Variants in CENPP observed in about 807,000 individuals in gnomAD.
CENPP encodes the protein centromere protein P.
In CENPP, 24 loss-of-function variants were observed where a neutral mutation model predicts 35.6. The observed-to-expected ratio is 0.67, with a 90% CI of 0.49 to 0.95. The LOEUF is 0.95. CENPP is among the 40% of genes least tolerant of loss of function. The pLI, the probability that CENPP is intolerant of heterozygous loss-of-function variation, is 0.00. For synonymous variants in CENPP, 120 were observed against 125.5 expected (o/e 0.96, Z 0.29); for missense variants, 332 against 345.3 (o/e 0.96, Z 0.31).
At chr9:92,511,051 A>G (rs1394352014) in intron 5 of CENPP, among the ~76,000 whole-genome samples, 1 of 152,172 alleles carries the variant, frequency 6.6e-6, no homozygotes, top group Non-Finnish European at 1.5e-5. Flanking sequence ...TCAAACATAC[A>G]CATTTATGAG....
intron 5 of CENPP, chr9:92,416,843 G>C: frequency 6.2e-7 from 1 of 1,613,734 alleles, no homozygotes; most frequent in Non-Finnish European, 8.5e-7. Context: ...ATTTTCTAAA[G>C]ACAGATACAT....
intron 5 of CENPP, among the ~76,000 whole-genome samples, chr9:92,507,411 G>A (rs1847071572): frequency 6.6e-6 from 1 of 152,300 alleles, no homozygotes; most frequent in South Asian, 2.1e-4. Context: ...ACATGACTGA[G>A]AGAAAAAGAG....
intron 5 of CENPP, among the ~76,000 whole-genome samples, chr9:92,524,439 C>A (rs1047159083): frequency 1.3e-5 from 2 of 152,164 alleles, no homozygotes; most frequent in Admixed American, 1.3e-4. Context: ...ACAAGAGAAA[C>A]CTCCATCAAG....
chr9:92,426,573 G>A (rs1843972722), intron 5 of CENPP, among the ~76,000 whole-genome samples: 1 of 152,144 alleles, frequency 6.6e-6, no homozygotes, highest in African/African-American at 2.4e-5. Context: ...AATAATGCAA[G>A]GTAAAGGGAT....
intron 5 of CENPP, among the ~76,000 whole-genome samples, chr9:92,591,901 T>G (rs965874636): frequency 7.2e-5 from 11 of 152,202 alleles, no homozygotes; most frequent in Non-Finnish European, 1.5e-4. Flanking sequence ...TCCACCAAAT[T>G]TTATGCTTCA....
chr9:92,603,031 C>T (rs760515653), intron 5 of CENPP, among the ~76,000 whole-genome samples: 3 of 152,242 alleles, frequency 2.0e-5, no homozygotes, highest in East Asian at 1.9e-4. Context: ...CCTCGTGATC[C>T]GCTCGCCTTG....
At chr9:92,364,905 A>G (rs1841848991) in intron 4 of CENPP, among the ~76,000 whole-genome samples, 1 of 152,210 alleles carries the variant, frequency 6.6e-6, no homozygotes, top group African/African-American at 2.4e-5. Flanking sequence ...TGCCTTGTAC[A>G]TGGTTGGTGT....
chr9:92,334,885 A>C (rs745413042), intron 2 of CENPP, among the ~76,000 whole-genome samples: 17 of 151,100 alleles, frequency 1.1e-4, no homozygotes, highest in Non-Finnish European at 1.8e-4. Context: ...CTCAAAAAAA[A>C]CCAAAAAAAC....
chr9:92,492,908 G>A (rs985117769), intron 5 of CENPP, among the ~76,000 whole-genome samples: 8 of 152,198 alleles, frequency 5.3e-5, no homozygotes, highest in Non-Finnish European at 8.8e-5. Flanking sequence ...CACTGTGCTC[G>A]TTCCTACAGA....
At chr9:92,352,506 TATAC>T (rs1554753054) in intron 4 of CENPP, among the ~76,000 whole-genome samples, 2 of 79,700 alleles carry the variant, frequency 2.5e-5, no homozygotes, top group East Asian at 2.6e-4. Flanking sequence ...TGTGTGTGTG[TATAC>T]ATATATATAT....
At chr9:92,398,910 A>G (rs1168327603) in intron 5 of CENPP, among the ~76,000 whole-genome samples, 1 of 152,142 alleles carries the variant, frequency 6.6e-6, no homozygotes, top group Non-Finnish European at 1.5e-5. Context: ...AAAATACAAT[A>G]AATTAGCCTG....
chr9:92,453,858 G>T (rs928115732), intron 5 of CENPP, among the ~76,000 whole-genome samples: 2 of 152,002 alleles, frequency 1.3e-5, no homozygotes, highest in Non-Finnish European at 2.9e-5. Context: ...GGTGGCTCAC[G>T]CCTGTAATCC....
chr9:92,452,191 A>G (rs1382390694), intron 5 of CENPP, among the ~76,000 whole-genome samples: 3 of 151,826 alleles, frequency 2.0e-5, no homozygotes, highest in African/African-American at 4.8e-5. Flanking sequence ...TTCAAAGGGA[A>G]TGCTTCCAGT....
At chr9:92,515,984 G>A (rs752750260) in intron 5 of CENPP, among the ~76,000 whole-genome samples, 5 of 152,054 alleles carry the variant, frequency 3.3e-5, no homozygotes, top group African/African-American at 4.8e-5. Context: ...GGCAGAAAGT[G>A]GGGAAGACAT....
At position 92,554,496 on chromosome 9, in the gene CENPP, C is replaced by T. The variant is rs187765759; in HGVS notation, c.565-56818C>T. On this transcript the variant is annotated intron_variant, in intron 5 of 7. Transcript: ENST00000375587. Reference sequence around the variant, plus strand: ...CTGCGCCCTGCTTTTACCTTTAATTCTGCTTATGTGGTGTATCACGTTTAT... The same window carrying T: ...CTGCGCCCTGCTTTTACCTTTAATTTTGCTTATGTGGTGTATCACGTTTAT... 4.4e-3 allele frequency among the ~76,000 whole-genome samples: 668 copies of T among 150,826 alleles called. 8 individuals carry two copies. Among genetic ancestry groups the T allele is most frequent in the East Asian group, 6.9e-3 (34 of 4,926 alleles).
intron 5 of CENPP, among the ~76,000 whole-genome samples, chr9:92,573,625 G>A (rs1362716552): frequency 6.6e-6 from 1 of 152,216 alleles, no homozygotes; most frequent in Non-Finnish European, 1.5e-5. Flanking sequence ...TCTCTTCAAA[G>A]CTGTCAGACA....
intron 1 of CENPP, among the ~76,000 whole-genome samples, chr9:92,331,399 C>G (rs1840741353): frequency 6.6e-6 from 1 of 152,104 alleles, no homozygotes; most frequent in Admixed American, 6.5e-5. Flanking sequence ...CCAGGATGGT[C>G]TTGATCTCCT....
intron 4 of CENPP, among the ~76,000 whole-genome samples, chr9:92,374,983 T>C (rs1588070601): frequency 6.6e-6 from 1 of 152,338 alleles, no homozygotes; most frequent in African/African-American, 2.4e-5. Context: ...GGATTCTCTC[T>C]CTTTGGAGCT....
At chr9:92,517,599 A>G in intron 5 of CENPP, 1 of 1,551,108 alleles carries the variant, frequency 6.4e-7, no homozygotes, top group Non-Finnish European at 8.8e-7. Context: ...CTAATGTATC[A>G]TAATTTTAAT....
Sources: allele counts gnomAD v4.1 joint callset (sites outside exome capture counted in the v4.1 genomes callset), GRCh38; gene constraint gnomAD v4.1.1; transcripts MANE v1.5; gene names NCBI Gene and HGNC (gene_info 2026-07-23, HGNC 2026-07-21).